Variants in JMJD1C observed in about 807,000 individuals in gnomAD.
JMJD1C encodes the protein jumonji domain-containing protein 1C.
In JMJD1C, 31 loss-of-function variants were observed where a neutral mutation model predicts 245.3. The ratio of observed to expected loss-of-function variants is 0.13; its 90% confidence interval spans 0.09 to 0.17. JMJD1C has a LOEUF of 0.17. Among genes scored for constraint, JMJD1C ranks in the 10% least tolerant of loss-of-function variants. JMJD1C has a pLI of 1.00. For synonymous variants in JMJD1C, 1,057 were observed against 1,017.4 expected (o/e 1.04, Z -0.74); for missense variants, 2,691 against 3,000.2 (o/e 0.90, Z 2.41).
At chr10:63,453,696 G>C (rs1228093922) in intron 1 of JMJD1C, among the ~76,000 whole-genome samples, 2 of 152,166 alleles carry the variant, frequency 1.3e-5, no homozygotes, top group African/African-American at 2.4e-5. Flanking sequence ...AACGGCAAGA[G>C]ACTAGGAAAA....
Position 63,207,884 on chromosome 10 carries a change from G to A in JMJD1C, c.3785C>T (p.Ala1262Val). 2 of 1,614,088 alleles carry A rather than the reference G, an allele frequency of 1.2e-6. No homozygotes were observed. Among genetic ancestry groups the A allele is most frequent in the South Asian group, 1.1e-5 (1 of 91,078 alleles). ...CTGTTCTGAAGAACTCTTAAAATTT[G>A]CCTGGGAGTCTTTTGGTTCGGGTAT... is the stretch of plus-strand genomic sequence containing the variant. Reference protein sequence around the residue: ...TLIPEPKDSQANFKSSSEQSL... With the variant: ...TLIPEPKDSQVNFKSSSEQSL... Residue 1262 changes from alanine (A) to valine (V), a missense_variant, in exon 10 of 26, where the codon GCA (alanine) becomes GTA (valine). Transcript: ENST00000399262.
At chr10:63,448,184 T>A (rs969736493) in intron 1 of JMJD1C, among the ~76,000 whole-genome samples, 4 of 152,040 alleles carry the variant, frequency 2.6e-5, no homozygotes, top group Admixed American at 2.6e-4. Flanking sequence ...TGAGATGGAG[T>A]CTTGCTCTGT....
chr10:63,362,521 C>A (rs1945477798), intron 2 of JMJD1C, among the ~76,000 whole-genome samples: 1 of 151,474 alleles, frequency 6.6e-6, no homozygotes, highest in African/African-American at 2.4e-5. Flanking sequence ...ACTCTTTTGC[C>A]CAAGCTGGGG....
intron 10 of JMJD1C, among the ~76,000 whole-genome samples, chr10:63,205,678 C>T (rs1265369106): frequency 6.6e-6 from 1 of 152,116 alleles, no homozygotes; most frequent in Non-Finnish European, 1.5e-5. Flanking sequence ...ACAAACCTAG[C>T]TTACAAACCC....
chr10:63,177,310 C>G, intron 23 of JMJD1C: 1 of 227,286 alleles, frequency 4.4e-6, no homozygotes, highest in Non-Finnish European at 8.6e-6. Context: ...TAGAATCATT[C>G]CCTAGGTCAG....
At chr10:63,388,646 GA>G (rs1250032974) in intron 1 of JMJD1C, among the ~76,000 whole-genome samples, 1 of 151,912 alleles carries the variant, frequency 6.6e-6, no homozygotes. Flanking sequence ...AGAGAGAAAG[GA>G]ACAATGAATA....
At chr10:63,398,789 C>G (rs980411495) in intron 1 of JMJD1C, among the ~76,000 whole-genome samples, 3 of 152,052 alleles carry the variant, frequency 2.0e-5, no homozygotes, top group Non-Finnish European at 4.4e-5. Context: ...GGATTACAGG[C>G]GTGTGCCATC....
rs1482620665 is a variant in JMJD1C at position 63,264,681 on chromosome 10, T to C, written c.417A>G (p.Leu139=). 6.3e-7 allele frequency: 1 copy of C among 1,579,248 alleles called. No homozygotes were observed. The highest frequency in any genetic ancestry group is 1.1e-5 in the South Asian group (1 of 87,162). The change falls in exon 3 of 26, where the codon TTA becomes TTG. Residue 139 remains leucine, a synonymous_variant. Transcript: ENST00000399262. ...EFLVDKQLDF[L]TEDSAFQPYQ... is the part of the protein sequence containing the mutation. ...AGGGCTGAAAGGCACTATCTTCAGT[T>C]AAAAAATCCAGTTGCTTATCTACAA...
chr10:63,450,304 T>G (rs953203866), intron 1 of JMJD1C, among the ~76,000 whole-genome samples: 1 of 151,906 alleles, frequency 6.6e-6, no homozygotes, highest in Admixed American at 6.6e-5. Context: ...GGAGGATCAT[T>G]TGAGGCCAGG....
chr10:63,229,507 A>T (rs1428991812), intron 3 of JMJD1C, among the ~76,000 whole-genome samples: 1 of 152,180 alleles, frequency 6.6e-6, no homozygotes, highest in Non-Finnish European at 1.5e-5. Context: ...CATTCATACA[A>T]TCAAGAAGAT....
intron 1 of JMJD1C, among the ~76,000 whole-genome samples, chr10:63,423,153 C>T (rs554341681): frequency 1.3e-5 from 2 of 152,068 alleles, no homozygotes; most frequent in East Asian, 1.9e-4. Flanking sequence ...TTCATAGAAA[C>T]GGGGTTTCAC....
intron 2 of JMJD1C, among the ~76,000 whole-genome samples, chr10:63,283,009 G>A (rs1432380992): frequency 2.0e-5 from 3 of 152,104 alleles, no homozygotes; most frequent in Non-Finnish European, 4.4e-5. Context: ...GAGCCACAGC[G>A]CCCAGCCCTC....
chr10:63,468,727 A>G (rs1367653241), upstream of JMJD1C, among the ~76,000 whole-genome samples: 1 of 151,878 alleles, frequency 6.6e-6, no homozygotes, highest in African/African-American at 2.4e-5. Flanking sequence ...CATCAATTCA[A>G]GCAAACCTCC....
chr10:63,243,020 T>A (rs1038191950), intron 3 of JMJD1C, among the ~76,000 whole-genome samples: 2 of 150,438 alleles, frequency 1.3e-5, no homozygotes, highest in Non-Finnish European at 3.0e-5. Flanking sequence ...CAAGATGGAC[T>A]GTTGTTCTAT....
chr10:63,386,378 T>C (rs1047485449), intron 1 of JMJD1C, among the ~76,000 whole-genome samples: 8 of 152,168 alleles, frequency 5.3e-5, no homozygotes. Context: ...GGCTGCAACA[T>C]GATGGCTGGA....
At chr10:63,500,082 G>A (rs2133245284) in intron 1 of JMJD1C, among the ~76,000 whole-genome samples, 1 of 152,284 alleles carries the variant, frequency 6.6e-6, no homozygotes, top group East Asian at 1.9e-4. Context: ...TGAGAGGCCT[G>A]GCATGTAATT....
intron 2 of JMJD1C, among the ~76,000 whole-genome samples, chr10:63,295,983 G>C (rs1422857765): frequency 2.7e-5 from 1 of 36,894 alleles, no homozygotes; most frequent in South Asian, 7.8e-4. Context: ...GTGTGTGTGT[G>C]TGTGTGTGTG....
intron 1 of JMJD1C, among the ~76,000 whole-genome samples, chr10:63,419,866 G>A (rs1023518620): frequency 2.0e-5 from 3 of 149,886 alleles, no homozygotes; most frequent in East Asian, 2.0e-4. Context: ...GGCCAGGCGC[G>A]GTGGCTCACA....
intron 2 of JMJD1C, among the ~76,000 whole-genome samples, chr10:63,319,204 C>T (rs1331443888): frequency 2.1e-5 from 3 of 142,170 alleles, no homozygotes; most frequent in Non-Finnish European, 4.5e-5. Flanking sequence ...TTGCAGTGTG[C>T]TGAGACTGCG....
Sources: gnomAD v4.1 joint callset for allele counts (sites outside exome capture counted in the v4.1 genomes callset) on GRCh38, gnomAD v4.1.1 for gene constraint, MANE v1.5 for transcripts, NCBI Gene and HGNC (gene_info 2026-07-23, HGNC 2026-07-21) for gene names.